PPP2R2B: variants seen among roughly 807,000 people sequenced by gnomAD.
PPP2R2B encodes protein phosphatase 2 regulatory subunit Bbeta.
In PPP2R2B, 5 loss-of-function variants were observed where a neutral mutation model predicts 46.0. The ratio of observed to expected loss-of-function variants is 0.11; its 90% CI spans 0.06 to 0.23. The LOEUF (loss-of-function observed/expected upper bound fraction) is 0.23. Ranked by LOEUF, PPP2R2B falls within the 10% of genes least tolerant of loss-of-function variation. PPP2R2B has a pLI of 1.00. For synonymous variants in PPP2R2B, 215 were observed against 206.7 expected (o/e 1.04, Z -0.34); for missense variants, 367 against 575.0 (o/e 0.64, Z 3.70).
chr5:146,979,353 A>C (rs960980519), intron 1 of PPP2R2B, among the ~76,000 whole-genome samples: 1 of 152,156 alleles, frequency 6.6e-6, no homozygotes, highest in Non-Finnish European at 1.5e-5. Context: ...TCATTTTATA[A>C]AATTTCACAC....
chr5:146,903,556 T>C (rs189335731), intron 1 of PPP2R2B, among the ~76,000 whole-genome samples: 32 of 152,098 alleles, frequency 2.1e-4, no homozygotes, highest in Middle Eastern at 3.4e-3. Flanking sequence ...CCACCACACC[T>C]GTCTAACTTT....
chr5:146,907,757 A>G (rs912440876), intron 1 of PPP2R2B, among the ~76,000 whole-genome samples: 45 of 152,128 alleles, frequency 3.0e-4, no homozygotes, highest in African/African-American at 9.9e-4. Flanking sequence ...TTGAAATCCT[A>G]CACTACTTTA....
At chr5:146,684,621 A>G (rs139767114) in intron 5 of PPP2R2B, among the ~76,000 whole-genome samples, 97 of 152,326 alleles carry the variant, frequency 6.4e-4, no homozygotes, top group African/African-American at 2.1e-3. Flanking sequence ...GGGAGCATCA[A>G]ATGAGATGCC....
chr5:146,596,761 C>T lies in PPP2R2B; in HGVS notation c.960+3530G>A, dbSNP rs373197900. ...GTGATGTGGAGCCAAGCCCTGAAGT[C>T]GAGGTAGGATTCAGGAGACAGGAAC... On this transcript the variant is annotated intron_variant, in intron 8 of 9. Coordinates refer to ENST00000394411, the MANE Select transcript of PPP2R2B (RefSeq NM_181675.4). Among the ~76,000 whole-genome samples, 48 of 152,244 alleles carry T rather than the reference C, an allele frequency of 3.2e-4. 2 individuals are homozygous for T. In the South Asian group the frequency reaches 9.1e-3, roughly 29 times the overall value.
intron 1 of PPP2R2B, among the ~76,000 whole-genome samples, chr5:147,047,541 A>C (rs1380471403): frequency 6.6e-6 from 1 of 152,148 alleles, no homozygotes; most frequent in African/African-American, 2.4e-5. Context: ...AATTTTTATT[A>C]AGCTCTTAAT....
At chr5:147,043,464 C>A (rs1485239072) in intron 1 of PPP2R2B, among the ~76,000 whole-genome samples, 4 of 151,968 alleles carry the variant, frequency 2.6e-5, no homozygotes, top group African/African-American at 9.7e-5. Context: ...AGGAGAGAGA[C>A]CCTAGGAGAA....
intron 5 of PPP2R2B, among the ~76,000 whole-genome samples, chr5:146,682,276 T>A (rs1174701766): frequency 6.6e-6 from 1 of 152,216 alleles, no homozygotes; most frequent in Non-Finnish European, 1.5e-5. Context: ...AGTCTCTAGA[T>A]GTAATACTAC....
intron 1 of PPP2R2B, among the ~76,000 whole-genome samples, chr5:147,002,686 T>C (rs1754233663): frequency 6.6e-6 from 1 of 152,140 alleles, no homozygotes; most frequent in Non-Finnish European, 1.5e-5. Flanking sequence ...CTAGTGTTTC[T>C]GCTGCTGCGT....
chr5:146,646,802 G>T (rs1360470698), intron 6 of PPP2R2B, among the ~76,000 whole-genome samples: 2 of 152,112 alleles, frequency 1.3e-5, no homozygotes, highest in African/African-American at 2.4e-5. Context: ...TGCTAGTCCT[G>T]TTTACTGAGC....
chr5:146,930,455 T>C (rs1561525342), intron 1 of PPP2R2B, among the ~76,000 whole-genome samples: 1 of 152,154 alleles, frequency 6.6e-6, no homozygotes, highest in Non-Finnish European at 1.5e-5. Flanking sequence ...TAATTCTTTC[T>C]TGGGGGAAAG....
At chr5:146,716,088 T>C (rs2151187721) in intron 2 of PPP2R2B, among the ~76,000 whole-genome samples, 1 of 152,076 alleles carries the variant, frequency 6.6e-6, no homozygotes, top group African/African-American at 2.4e-5. Context: ...GGGCAGGATC[T>C]TCTGCATTAT....
chr5:146,870,662 G>A (rs1256240869), intron 2 of PPP2R2B, among the ~76,000 whole-genome samples: 2 of 152,222 alleles, frequency 1.3e-5, no homozygotes, highest in East Asian at 3.9e-4. Context: ...CCTCCCACAG[G>A]TAAGGTACTC....
intron 2 of PPP2R2B, among the ~76,000 whole-genome samples, chr5:146,702,056 T>TAA (rs3062308): frequency 0.039 from 5,045 of 129,900 alleles, 134 homozygotes; most frequent in African/African-American, 0.072. Flanking sequence ...GCAAATGAGT[T>TAA]AAAAAAAAAA....
intron 2 of PPP2R2B, among the ~76,000 whole-genome samples, chr5:146,858,965 A>G (rs1240584573): frequency 6.6e-6 from 1 of 152,180 alleles, no homozygotes; most frequent in Non-Finnish European, 1.5e-5. Context: ...ACCTTGTTCT[A>G]AAAATGTTAG....
chr5:146,837,610 A>G (rs915743317), intron 2 of PPP2R2B, among the ~76,000 whole-genome samples: 1 of 152,260 alleles, frequency 6.6e-6, no homozygotes, highest in Non-Finnish European at 1.5e-5. Context: ...ATTAATTTTA[A>G]TAATACATTT....
intron 2 of PPP2R2B, among the ~76,000 whole-genome samples, chr5:147,062,985 AGGG>A (rs1561607787): frequency 0.029 from 1,971 of 67,536 alleles, 119 homozygotes; most frequent in Admixed American, 0.05. Flanking sequence ...GGAGGGAGGG[AGGG>A]AGGGAGGGAG....
chr5:146,875,330 T>TA (rs906087360), intron 2 of PPP2R2B, among the ~76,000 whole-genome samples: 5 of 151,796 alleles, frequency 3.3e-5, no homozygotes, highest in East Asian at 1.9e-4. Flanking sequence ...TGCTCAGAAT[T>TA]AAAAAAAAGT....
intron 7 of PPP2R2B, among the ~76,000 whole-genome samples, chr5:146,630,233 C>A (rs1240555605): frequency 2.0e-5 from 3 of 152,232 alleles, no homozygotes; most frequent in African/African-American, 7.2e-5. Context: ...TAGATGTTGG[C>A]TTTCTCTTTG....
intron 1 of PPP2R2B, among the ~76,000 whole-genome samples, chr5:146,914,962 T>C (rs1043516863): frequency 2.0e-5 from 3 of 152,232 alleles, no homozygotes; most frequent in Admixed American, 6.5e-5. Context: ...CATAAAGATG[T>C]TCTGGTTAAA....
Sources: gnomAD v4.1 joint callset for allele counts (sites outside exome capture counted in the v4.1 genomes callset) on GRCh38, gnomAD v4.1.1 for gene constraint, MANE v1.5 for transcripts, NCBI Gene and HGNC (gene_info 2026-07-23, HGNC 2026-07-21) for gene names.